The following ISM1 variants were observed in gnomAD, a reference collection of about 807,000 sequenced individuals.
The protein encoded by ISM1 is isthmin 1.
A neutral mutation model predicts 46.3 loss-of-function variants in ISM1; 25 were observed. The observed-to-expected ratio is 0.54, with a 90% CI of 0.39 to 0.75. The LOEUF (loss-of-function observed/expected upper bound fraction) is 0.75, where lower values mean the gene tolerates loss of function less well. ISM1 is among the 30% of genes least tolerant of loss of function. The probability of loss-of-function intolerance (pLI) is 0.00; values close to 1 mark genes in which losing one functional copy is unlikely to be tolerated. For missense variants in ISM1, 536 were observed against 625.4 expected, an observed-to-expected ratio of 0.86 and a Z score of 1.52; for synonymous variants, 255 against 256.7, an observed-to-expected ratio of 0.99 and a Z score of 0.06.
At chr20:13,292,341 AT>A in intron 4 of ISM1, 32 bp from the exon 5 acceptor site, 1 of 1,381,176 alleles carries the variant, frequency 7.2e-7, no homozygotes, top group Non-Finnish European at 1.0e-6. Context: ...TTTCCATGTA[AT>A]GATGGAAAAA....
chr20:13,223,163 A>T (rs1309128061), intron 1 of ISM1, among the ~76,000 whole-genome samples: 5 of 136,352 alleles, frequency 3.7e-5, no homozygotes, highest in Non-Finnish European at 3.3e-5. Flanking sequence ...TCTCAAAAAA[A>T]AAATAAAATA....
chr20:13,259,662 C>G (rs2039967161), intron 1 of ISM1, among the ~76,000 whole-genome samples: 1 of 152,176 alleles, frequency 6.6e-6, no homozygotes, highest in African/African-American at 2.4e-5. Flanking sequence ...AGCCATAAAA[C>G]AGTTAGCACT....
At chr20:13,272,236 C>T (rs2123257390) in intron 2 of ISM1, among the ~76,000 whole-genome samples, 1 of 152,300 alleles carries the variant, frequency 6.6e-6, no homozygotes. Flanking sequence ...CCTCTCTCTC[C>T]ACAGACTAAC....
chr20:13,288,706 C>A, intron 4 of ISM1, 23 bp downstream of exon 4: 2 of 1,596,708 alleles, frequency 1.3e-6, no homozygotes, highest in Non-Finnish European at 1.7e-6. Flanking sequence ...GAGTGTGTAG[C>A]TCCAAGTTCA....
At chr20:13,232,760 C>T (rs2039602854) in intron 1 of ISM1, among the ~76,000 whole-genome samples, 1 of 152,152 alleles carries the variant, frequency 6.6e-6, no homozygotes, top group Non-Finnish European at 1.5e-5. Flanking sequence ...TCCAGGTACT[C>T]CCTTGGAAAA....
rs1311034001 is a variant in ISM1 at position 13,243,520 on chromosome 20, G to A, written c.138+21606G>A. Among the ~76,000 whole-genome samples the A allele has an allele frequency of 5.9e-5, 9 of 152,212 alleles. No individual in the cohort carries two copies. The East Asian group carries it at 1.5e-3, about 26-fold the overall frequency. On this transcript the variant is annotated intron_variant, in intron 1 of 5. Coordinates refer to ENST00000262487, the MANE Select transcript of ISM1 (RefSeq NM_080826.2). ...AAGATTCTGCAGTGTTCCACACTTA[G>A]GGCTGTCCTCTTAGCTGTTTGTCTT...
chr20:13,255,656 T>G (rs1189858332), intron 1 of ISM1, among the ~76,000 whole-genome samples: 1 of 152,176 alleles, frequency 6.6e-6, no homozygotes, highest in Non-Finnish European at 1.5e-5. Flanking sequence ...TATTAGCACT[T>G]ATAAGCCTCT....
chr20:13,241,345 TG>T (rs950693933), intron 1 of ISM1, among the ~76,000 whole-genome samples: 1 of 152,194 alleles, frequency 6.6e-6, no homozygotes, highest in Non-Finnish European at 1.5e-5. Flanking sequence ...AAAGAGTTTT[TG>T]GTTCATGTAA....
intron 1 of ISM1, among the ~76,000 whole-genome samples, chr20:13,225,126 T>G (rs1050736786): frequency 6.6e-6 from 1 of 152,078 alleles, no homozygotes; most frequent in African/African-American, 2.4e-5. Flanking sequence ...GTGCTGGGAT[T>G]ACAGGCGTGA....
intron 1 of ISM1, among the ~76,000 whole-genome samples, chr20:13,257,005 A>AGT (rs1426819278): frequency 6.6e-6 from 1 of 152,188 alleles, no homozygotes; most frequent in Non-Finnish European, 1.5e-5. Flanking sequence ...TGTGAAAGTG[A>AGT]GTGCTAGAAA....
In ISM1 at chr20:13,286,585, G is replaced by A. The variant is rs554944695; in HGVS notation, c.644-1955G>A. Among the ~76,000 whole-genome samples, 319 of 152,216 alleles carry A rather than the reference G, an allele frequency of 2.1e-3. 2 individuals carry two copies. The highest frequency in any genetic ancestry group is 4.1e-3 in the African/African-American group (169 of 41,532). ...TTGGGAGGAAAATAGATGGGGCCTC[G>A]GGGGGCAGATAAGATGGGAGCAAGC... On this transcript the variant is annotated intron_variant, in intron 3 of 5. Transcript: ENST00000262487.
chr20:13,264,672 G>A (rs1358595228), intron 1 of ISM1, among the ~76,000 whole-genome samples: 4 of 152,162 alleles, frequency 2.6e-5, no homozygotes, highest in African/African-American at 9.7e-5. Context: ...ACACAGCCAC[G>A]ATGAGCAACG....
chr20:13,226,923 C>G (rs1322120), intron 1 of ISM1, among the ~76,000 whole-genome samples: 36,017 of 152,034 alleles, frequency 0.24, 4,318 homozygotes, highest in African/African-American at 0.28. Flanking sequence ...GAAGAGCATG[C>G]GTACAGGGAG....
At chr20:13,251,349 T>C (rs1359656575) in intron 1 of ISM1, among the ~76,000 whole-genome samples, 2 of 152,248 alleles carry the variant, frequency 1.3e-5, no homozygotes, top group Non-Finnish European at 2.9e-5. Flanking sequence ...ACCTTCAAAC[T>C]GAACCATGCT....
At chr20:13,231,451 T>A (rs2039587222) in intron 1 of ISM1, among the ~76,000 whole-genome samples, 2 of 152,174 alleles carry the variant, frequency 1.3e-5, no homozygotes, top group South Asian at 4.1e-4. Context: ...GAGATGCTGA[T>A]CCCATGGTCC....
chr20:13,302,081 C>A (rs780910516), downstream of ISM1, among the ~76,000 whole-genome samples: 28 of 152,128 alleles, frequency 1.8e-4, no homozygotes, highest in Non-Finnish European at 3.7e-4. Context: ...AGCAGAGGAA[C>A]AAGAGTGGCA....
chr20:13,222,523 C>T (rs772206202), intron 1 of ISM1, among the ~76,000 whole-genome samples: 7 of 152,052 alleles, frequency 4.6e-5, no homozygotes, highest in Non-Finnish European at 8.8e-5. Context: ...CCCCCTTGGT[C>T]ATGGGGAAGG....
intron 2 of ISM1, among the ~76,000 whole-genome samples, chr20:13,274,993 C>G (rs1278917282): frequency 1.3e-5 from 2 of 152,146 alleles, no homozygotes; most frequent in African/African-American, 2.4e-5. Context: ...ACAAGTTAGA[C>G]TTTGGTATCC....
At chr20:13,323,193 G>A in the ISM1 span, among the ~76,000 whole-genome samples, 47 of 152,296 alleles carry the variant, frequency 3.1e-4, no homozygotes, top group Admixed American at 2.0e-3. Flanking sequence ...CAAAGAATAA[G>A]AGAGTCGGTA....
Sources: allele counts gnomAD v4.1 joint callset (sites outside exome capture counted in the v4.1 genomes callset), GRCh38; gene constraint gnomAD v4.1.1; transcripts MANE v1.5; gene names NCBI Gene and HGNC (gene_info 2026-07-23, HGNC 2026-07-21).